The following VPS37C variants were observed in gnomAD, a reference collection of about 807,000 sequenced individuals.
VPS37C encodes VPS37C subunit of ESCRT-I.
In VPS37C, 9 loss-of-function variants were observed where a neutral mutation model predicts 16.1. The observed-to-expected ratio is 0.56, with a 90% CI of 0.34 to 0.97. VPS37C has a LOEUF of 0.97. VPS37C is among the 50% of genes least tolerant of loss of function. The probability of loss-of-function intolerance (pLI) is 0.02; values close to 1 mark genes in which losing one functional copy is unlikely to be tolerated. For synonymous variants in VPS37C, 207 were observed against 206.4 expected (o/e 1.00, Z -0.02); for missense variants, 479 against 472.7 (o/e 1.01, Z -0.12).
In VPS37C at chr11:61,132,378, G is replaced by A. The variant is rs1447083748; in HGVS notation, c.510C>T (p.Ala170=). 1.2e-6 allele frequency: 2 copies of A among 1,601,198 alleles called. No individual in the cohort carries two copies. The highest frequency in any genetic ancestry group is 2.3e-5 in the East Asian group (1 of 44,374). The part of the protein sequence containing the change: ...PRASQELAGD[A]PPPRPPPPVR... ...CCGGGGGTGGTGGACGGGGTGGAGG[G>A]GCATCGCCGGCCAGCTCCTGGGAAG... The change falls in exon 5 of 5, where the codon GCC becomes GCT. Residue 170 remains alanine (A), a synonymous_variant. Transcript: ENST00000301765.
At chr11:61,141,325 G>T (rs1037964825) in intron 1 of VPS37C, among the ~76,000 whole-genome samples, 2 of 151,372 alleles carry the variant, frequency 1.3e-5, no homozygotes, top group African/African-American at 4.9e-5. Flanking sequence ...CAGAGATCAT[G>T]CCACTGCACT....
At position 61,132,077 on chromosome 11, in the gene VPS37C, C is replaced by A; in HGVS notation, c.811G>T (p.Gly271Cys). 1.4e-6 allele frequency: 2 copies of A among 1,397,744 alleles called. No individual in the cohort carries two copies. The highest frequency in any genetic ancestry group is 1.9e-6 in the Non-Finnish European group (2 of 1,071,708). 86.6% of individuals were successfully genotyped at this position (1,397,744 alleles called of 1,614,324 possible). ...GCACCCATTGGGGTCCCAGGATAGC[C>A]CGGCCGGGGTGGCATGCTCCTCTGT... ...SPQRSMPPRP[G>C]YPGTPMGASG... Residue 271 changes from glycine (G) to cysteine (C), a missense_variant, in exon 5 of 5, where the codon GGC becomes TGC. Physicochemically the swap from Gly to Cys is radical, Grantham distance 159. Transcript: ENST00000301765.
At chr11:61,135,335 T>A (rs547267296) in intron 2 of VPS37C, among the ~76,000 whole-genome samples, 6 of 152,334 alleles carry the variant, frequency 3.9e-5, no homozygotes, top group Admixed American at 3.9e-4. Context: ...TGCTCCAGAT[T>A]GGAAAGAGGG....
At chr11:61,135,400 G>A (rs187912492) in intron 2 of VPS37C, among the ~76,000 whole-genome samples, 109 of 152,358 alleles carry the variant, frequency 7.2e-4, no homozygotes, top group African/African-American at 2.5e-3. Context: ...CCAGGGTTCA[G>A]GGATGTAGGG....
At chr11:61,138,446 T>G in intron 2 of VPS37C, 1 of 379,508 alleles carries the variant, frequency 2.6e-6, no homozygotes, top group South Asian at 3.5e-5. Context: ...ACCATACCAG[T>G]GCTTTGAGGA....
intron 1 of VPS37C, among the ~76,000 whole-genome samples, chr11:61,146,451 C>A (rs1853207972): frequency 6.6e-6 from 1 of 152,200 alleles, no homozygotes. Flanking sequence ...GAGGCAGAGA[C>A]CAACAGAGTG....
chr11:61,156,991 T>C (rs542967930), intron 1 of VPS37C, among the ~76,000 whole-genome samples: 1 of 152,364 alleles, frequency 6.6e-6, no homozygotes, highest in East Asian at 1.9e-4. Context: ...CCAACAATAT[T>C]TGTTCTTTTG....
chr11:61,157,126 A>T (rs1354776721), intron 1 of VPS37C, among the ~76,000 whole-genome samples: 1 of 152,256 alleles, frequency 6.6e-6, no homozygotes, highest in Non-Finnish European at 1.5e-5. Flanking sequence ...CATTTTGTTT[A>T]TCCATTCACC....
intron 4 of VPS37C, chr11:61,132,797 G>A: frequency 1.7e-6 from 1 of 583,236 alleles, no homozygotes; most frequent in South Asian, 2.1e-5. Context: ...CATCATGCCA[G>A]GCCCACAGTG....
intron 2 of VPS37C, among the ~76,000 whole-genome samples, chr11:61,135,203 G>C (rs572663089): frequency 2.6e-5 from 4 of 152,370 alleles, no homozygotes; most frequent in Non-Finnish European, 5.9e-5. Context: ...TGCCCCACGA[G>C]ACATAGGAAG....
chr11:61,152,781 G>A (rs534562044), intron 1 of VPS37C, among the ~76,000 whole-genome samples: 4 of 152,260 alleles, frequency 2.6e-5, no homozygotes, highest in Admixed American at 2.0e-4. Context: ...GATCCTGCCC[G>A]GCAAGGAATT....
intron 1 of VPS37C, among the ~76,000 whole-genome samples, chr11:61,146,263 G>C (rs1391846853): frequency 6.6e-6 from 1 of 152,230 alleles, no homozygotes; most frequent in East Asian, 1.9e-4. Context: ...CATCAAAGGA[G>C]GAAGGATAAA....
At chr11:61,137,570 G>A (rs773457883) in intron 2 of VPS37C, among the ~76,000 whole-genome samples, 5 of 152,216 alleles carry the variant, frequency 3.3e-5, no homozygotes, top group Admixed American at 6.5e-5. Flanking sequence ...AAGGAACGCA[G>A]GCAGAGCTGC....
intron 1 of VPS37C, among the ~76,000 whole-genome samples, chr11:61,150,516 G>A (rs766736316): frequency 6.6e-6 from 1 of 150,996 alleles, no homozygotes; most frequent in Non-Finnish European, 1.5e-5. Flanking sequence ...TGCCCAGTTT[G>A]GCCTAATCCT....
At chr11:61,158,629 C>T (rs1488471135) in intron 1 of VPS37C, among the ~76,000 whole-genome samples, 1 of 152,114 alleles carries the variant, frequency 6.6e-6, no homozygotes, top group Admixed American at 6.5e-5. Flanking sequence ...GATAAATCAG[C>T]GGAACTAAAA....
rs1861262052 is a variant in VPS37C at position 61,131,685 on chromosome 11, A to G, written c.*135T>C. On this transcript the variant is annotated 3_prime_UTR_variant, in exon 5 of 5. Coordinates refer to ENST00000301765, the MANE Select transcript of VPS37C (RefSeq NM_017966.5). ...ACACCGCCCAGTGCCTTGTCCCTCCAAGGCCTCTGGGTGCCGACGCAAGTC... is the reference window on the plus strand; with the variant it reads ...ACACCGCCCAGTGCCTTGTCCCTCCGAGGCCTCTGGGTGCCGACGCAAGTC... 1 of 1,181,790 alleles carries G rather than the reference A, an allele frequency of 8.5e-7. No individual in the cohort carries two copies. The allele number at this position is 1,181,790 out of a possible 1,614,324, so 73.2% of individuals were successfully genotyped here.
At position 61,132,008 on chromosome 11, in the gene VPS37C, G is replaced by T; in HGVS notation, c.880C>A (p.Pro294Thr). 1 of 1,376,984 alleles carries T rather than the reference G, an allele frequency of 7.3e-7. No homozygotes were observed. Among genetic ancestry groups the T allele is most frequent in the Non-Finnish European group, 9.4e-7 (1 of 1,061,390 alleles). The allele number at this position is 1,376,984 out of a possible 1,614,324, so 85.3% of individuals were successfully genotyped here. A position where few individuals can be genotyped will look rare whatever the true frequency, so the allele number is the denominator to read the frequency against. The change falls in exon 5 of 5, where the codon CCT (proline) becomes ACT (threonine). Residue 294 changes from proline to threonine, a missense_variant. Coordinates refer to ENST00000301765, the MANE Select transcript of VPS37C (RefSeq NM_017966.5). ...TATGGGGACTGTTGAGGATAACCAG[G>T]ACTGGGGGCCCTGCCTCCCCGCAAG... ...YPLRGGRAPS[P>T]GYPQQSPYPA... is the part of the protein sequence containing the mutation.
At chr11:61,147,916 T>C (rs1252077942) in intron 1 of VPS37C, among the ~76,000 whole-genome samples, 1 of 152,210 alleles carries the variant, frequency 6.6e-6, no homozygotes, top group African/African-American at 2.4e-5. Flanking sequence ...AGTTTGTGCT[T>C]TGGCTCCACA....
chr11:61,136,001 GAAGT>G (rs1175323819), intron 2 of VPS37C, among the ~76,000 whole-genome samples: 1 of 152,204 alleles, frequency 6.6e-6, no homozygotes, highest in Non-Finnish European at 1.5e-5. Flanking sequence ...GTAGATAGAA[GAAGT>G]AAGTTCTAAT....
Sources: gnomAD v4.1 joint callset for allele counts (sites outside exome capture counted in the v4.1 genomes callset) on GRCh38, gnomAD v4.1.1 for gene constraint, MANE v1.5 for transcripts, NCBI Gene and HGNC (gene_info 2026-07-23, HGNC 2026-07-21) for gene names.